H2BC18: variants seen among roughly 807,000 people sequenced by gnomAD.
H2BC18 encodes histone H2B type 2-F.
A neutral mutation model predicts 6.3 loss-of-function variants in H2BC18; 8 were observed. The observed-to-expected ratio is 1.28, with a 90% CI of 0.75 to 2.31. H2BC18 has a LOEUF of 2.31. H2BC18 is among the 30% of genes most tolerant of loss of function. The pLI, the probability that H2BC18 is intolerant of heterozygous loss-of-function variation, is 0.00. For synonymous variants in H2BC18, 104 were observed against 78.1 expected, an observed-to-expected ratio of 1.33 and a Z score of -1.75; for missense variants, 106 against 174.5, an observed-to-expected ratio of 0.61 and a Z score of 2.21.
At chr1:149,800,724 G>T (rs1406259917) in intron 1 of H2BC18, among the ~76,000 whole-genome samples, 1 of 145,930 alleles carries the variant, frequency 6.9e-6, no homozygotes, top group East Asian at 2.0e-4. Flanking sequence ...ATGTGGGAGC[G>T]CCCAGTTACT....
intron 1 of H2BC18, among the ~76,000 whole-genome samples, chr1:149,804,562 C>G (rs1238343161): frequency 6.6e-6 from 1 of 152,052 alleles, no homozygotes; most frequent in African/African-American, 2.4e-5. Context: ...ATGGAATGTG[C>G]TCTGGAAGTA....
chr1:149,806,200 G>C (rs1482526559), intron 1 of H2BC18, among the ~76,000 whole-genome samples: 1 of 151,950 alleles, frequency 6.6e-6, no homozygotes, highest in East Asian at 1.9e-4. Context: ...CAGGGAGTTA[G>C]AGTATACAAG....
downstream of H2BC18, chr1:149,811,614 G>A (rs183937491): frequency 2.6e-6 from 1 of 390,322 alleles, no homozygotes; most frequent in Non-Finnish European, 4.7e-6. Context: ...GTTAAAGGCC[G>A]AAGGGGTGTA....
intron 1 of H2BC18, chr1:149,793,240 C>T (rs1465750348): frequency 2.4e-6 from 3 of 1,255,526 alleles, no homozygotes; most frequent in African/African-American, 1.6e-5. Flanking sequence ...CAGCCGGAGG[C>T]GGCGGCGGCA....
rs1228445487 is a variant in H2BC18 at position 149,812,015 on chromosome 1, C to A, written c.309G>T (p.Leu103=). ...CGGCGTGCTTGGCCAGCTCGCCGGG[C>A]AGCAGCAGGCGCACGGCCGTCTGGA... ...REIQTAVRLL[L]PGELAKHAVS... is the part of the protein sequence containing the mutation. Residue 103 remains leucine (L), a synonymous_variant, in exon 1 of 1, where the codon CTG becomes CTT. Transcript: ENST00000369167. 3.7e-6 allele frequency: 6 copies of A among 1,614,164 alleles called. No individual in the cohort carries two copies. The highest frequency in any genetic ancestry group is 1.3e-5 in the African/African-American group (1 of 75,080).
chr1:149,806,524 G>C (rs1434476861), intron 1 of H2BC18, among the ~76,000 whole-genome samples: 5 of 152,014 alleles, frequency 3.3e-5, no homozygotes, highest in African/African-American at 1.2e-4. Context: ...GGAGGTGGAG[G>C]TTGCAGTGAG....
chr1:149,802,101 C>T lies in H2BC18; in HGVS notation c.377+9846G>A, dbSNP rs1324072298. 1.1e-4 allele frequency among the ~76,000 whole-genome samples: 17 copies of T among 152,234 alleles called. 1 individual carries two copies. Among genetic ancestry groups the T allele is most frequent in the Non-Finnish European group, 1.8e-4 (12 of 68,042 alleles). ...CTGTCTTCTACTCTATAGATGCTTG[C>T]TGTTTCAGGGGGGCAGGCGGGAGTT... On this transcript the variant is annotated intron_variant, in intron 1 of 1. Transcript: ENST00000545683.
intron 1 of H2BC18, among the ~76,000 whole-genome samples, chr1:149,802,688 G>A (rs2091884410): frequency 6.6e-6 from 1 of 152,212 alleles, no homozygotes; most frequent in Non-Finnish European, 1.5e-5. Flanking sequence ...GAGTCCAAAA[G>A]CCTCAAGAGT....
At chr1:149,788,322 A>G in intron 1 of H2BC18, 1 of 1,611,720 alleles carries the variant, frequency 6.2e-7, no homozygotes, top group South Asian at 1.1e-5. Context: ...GCCTCCTTGT[A>G]CCTCCTCCAC....
chr1:149,808,690 C>T (rs2091945933), downstream of H2BC18, among the ~76,000 whole-genome samples: 1 of 152,142 alleles, frequency 6.6e-6, no homozygotes. Context: ...TTCATGTTGA[C>T]ATTGTGGGGC....
At chr1:149,805,320 A>G (rs1294398040) in intron 1 of H2BC18, 1 of 152,162 alleles carries the variant, frequency 6.6e-6, no homozygotes, top group Non-Finnish European at 1.5e-5. Flanking sequence ...TGTTCCATAA[A>G]GTGATGGGAC....
At chr1:149,805,465 C>T (rs1553753793) in intron 1 of H2BC18, 1 of 152,038 alleles carries the variant, frequency 6.6e-6, no homozygotes, top group African/African-American at 2.4e-5. Flanking sequence ...CCTTAAATAC[C>T]CAATGACTTA....
intron 1 of H2BC18, chr1:149,793,100 C>T (rs1553752352): frequency 5.5e-6 from 7 of 1,274,176 alleles, no homozygotes; most frequent in Admixed American, 2.4e-5. Context: ...CGCCAAGCCC[C>T]GGGGATGCTG....
At chr1:149,800,981 G>A (rs2091862967) in intron 1 of H2BC18, among the ~76,000 whole-genome samples, 1 of 152,206 alleles carries the variant, frequency 6.6e-6, no homozygotes, top group African/African-American at 2.4e-5. Context: ...AACTACTAGG[G>A]AGGCTGAGGT....
At chr1:149,789,961 C>A in intron 1 of H2BC18, 2 of 1,609,912 alleles carry the variant, frequency 1.2e-6, no homozygotes, top group Non-Finnish European at 1.7e-6. Context: ...TTTTCTAGGG[C>A]CAGGTTTCCC....
chr1:149,790,185 A>G (rs1553751550), intron 1 of H2BC18: 3 of 1,613,926 alleles, frequency 1.9e-6, no homozygotes, highest in South Asian at 1.1e-5. Flanking sequence ...CTCCTTCTAC[A>G]TGGGCAGCAA....
chr1:149,800,607 T>C (rs1473348136), intron 1 of H2BC18, among the ~76,000 whole-genome samples: 4 of 142,206 alleles, frequency 2.8e-5, no homozygotes. Context: ...TATTTCATAA[T>C]AGCACAATCT....
intron 1 of H2BC18, among the ~76,000 whole-genome samples, chr1:149,785,000 T>C (rs1347268273): frequency 2.0e-5 from 3 of 151,896 alleles, no homozygotes; most frequent in East Asian, 1.9e-4. Flanking sequence ...ATCTGTAAGA[T>C]AATATTCTGG....
chr1:149,811,115 G>C (rs1344353396), downstream of H2BC18: 1 of 152,292 alleles, frequency 6.6e-6, no homozygotes, highest in African/African-American at 2.4e-5. Flanking sequence ...AATCCTGAAG[G>C]TTAGGGATGT....
Sources: gnomAD v4.1 joint callset for allele counts (sites outside exome capture counted in the v4.1 genomes callset) on GRCh38, gnomAD v4.1.1 for gene constraint, MANE v1.5 for transcripts, NCBI Gene and HGNC (gene_info 2026-07-23, HGNC 2026-07-21) for gene names.